SLC66A2: variants seen among roughly 807,000 people sequenced by gnomAD.
SLC66A2 encodes PQ loop repeat containing 1.
SLC66A2 carries 23 observed loss-of-function variants against 25.5 expected under a neutral mutation model. The ratio of observed to expected loss-of-function variants is 0.90; its 90% CI spans 0.65 to 1.28. The LOEUF (loss-of-function observed/expected upper bound fraction) is 1.28. Ranked by LOEUF, SLC66A2 falls within the 50% of genes most tolerant of loss-of-function variation. The pLI is 0.00. For synonymous variants in SLC66A2, 193 were observed against 166.5 expected (o/e 1.16, Z -1.23); for missense variants, 396 against 373.1 (o/e 1.06, Z -0.51).
At chr18:79,942,251 G>A (rs970110211) in intron 3 of SLC66A2, among the ~76,000 whole-genome samples, 6 of 152,222 alleles carry the variant, frequency 3.9e-5, no homozygotes, top group African/African-American at 1.4e-4. Flanking sequence ...GAGGAGAGGA[G>A]AATGGCGTGA....
At position 79,903,748 on chromosome 18, in the gene SLC66A2, C is replaced by T; in HGVS notation, c.*228G>A. ...TATGTCATCCTAAAAACATCCAAAACCCTCGGGGCCAGATCAACCCTGGCT... is the reference window on the plus strand; with the variant it reads ...TATGTCATCCTAAAAACATCCAAAATCCTCGGGGCCAGATCAACCCTGGCT... On this transcript the variant is annotated 3_prime_UTR_variant, in exon 6 of 6. Coordinates refer to ENST00000397778, the MANE Select transcript of SLC66A2 (RefSeq NM_025078.5). 1 of 526,068 alleles carries T rather than the reference C, an allele frequency of 1.9e-6. No individual in the cohort carries two copies. Among genetic ancestry groups the T allele is most frequent in the Non-Finnish European group, 3.3e-6 (1 of 302,890 alleles). The allele number at this position is 526,068 out of a possible 1,614,324, so 32.6% of individuals were successfully genotyped here. A position where few individuals can be genotyped will look rare whatever the true frequency, so the allele number is the denominator to read the frequency against.
chr18:79,946,889 C>T (rs1022551881), intron 2 of SLC66A2, among the ~76,000 whole-genome samples: 1 of 152,002 alleles, frequency 6.6e-6, no homozygotes, highest in African/African-American at 2.4e-5. Context: ...TGCTTGAACC[C>T]GGGAGGCGGT....
At chr18:79,935,086 C>T (rs549490020) in intron 3 of SLC66A2, among the ~76,000 whole-genome samples, 1 of 149,666 alleles carries the variant, frequency 6.7e-6, no homozygotes, top group South Asian at 2.1e-4. Context: ...ATTTAGACAA[C>T]ATCCCTCTCC....
chr18:79,938,881 T>C (rs1231318516), intron 3 of SLC66A2, among the ~76,000 whole-genome samples: 2 of 152,176 alleles, frequency 1.3e-5, no homozygotes, highest in African/African-American at 4.8e-5. Context: ...TTTCACCATG[T>C]TGGCCAGGAT....
intron 4 of SLC66A2, among the ~76,000 whole-genome samples, chr18:79,930,981 A>G (rs1236976672): frequency 6.6e-6 from 1 of 152,234 alleles, no homozygotes; most frequent in Non-Finnish European, 1.5e-5. Context: ...GGTTCCTGTC[A>G]CTGGAATTAA....
At chr18:79,922,447 C>T (rs1985360411) in intron 4 of SLC66A2, among the ~76,000 whole-genome samples, 1 of 152,092 alleles carries the variant, frequency 6.6e-6, no homozygotes, top group Admixed American at 6.5e-5. Flanking sequence ...CAGGAAGAGA[C>T]AGAGACCACT....
chr18:79,925,439 A>C (rs1163950219), intron 4 of SLC66A2, among the ~76,000 whole-genome samples: 6 of 152,246 alleles, frequency 3.9e-5, no homozygotes, highest in Non-Finnish European at 8.8e-5. Context: ...AGCGGCACCA[A>C]AGATAAGGCT....
At chr18:79,913,009 A>C (rs1408252741) in intron 5 of SLC66A2, among the ~76,000 whole-genome samples, 1 of 152,178 alleles carries the variant, frequency 6.6e-6, no homozygotes, top group Non-Finnish European at 1.5e-5. Context: ...GGACCCACAC[A>C]GCCTGCTCTA....
At chr18:79,936,342 T>C (rs1249292405) in intron 3 of SLC66A2, among the ~76,000 whole-genome samples, 2 of 152,360 alleles carry the variant, frequency 1.3e-5, no homozygotes, top group South Asian at 2.1e-4. Flanking sequence ...TGAAAATGCA[T>C]GCAAGATGGC....
intron 5 of SLC66A2, among the ~76,000 whole-genome samples, chr18:79,911,707 T>C (rs879050211): frequency 1.3e-5 from 2 of 151,854 alleles, no homozygotes; most frequent in South Asian, 4.2e-4. Context: ...CCCACCCCCC[T>C]AGCTACATCA....
chr18:79,942,707 T>C (rs1987782833), intron 3 of SLC66A2, among the ~76,000 whole-genome samples: 2 of 152,256 alleles, frequency 1.3e-5, no homozygotes, highest in Non-Finnish European at 2.9e-5. Context: ...GAGTTCAGAC[T>C]GGAACAAACT....
chr18:79,921,743 T>G (rs1163921392), intron 4 of SLC66A2, among the ~76,000 whole-genome samples: 3 of 44,592 alleles, frequency 6.7e-5, no homozygotes, highest in African/African-American at 2.7e-4. Flanking sequence ...GAGGGAGAGG[T>G]CAGGGTCAGA....
Position 79,927,740 on chromosome 18 carries a change from C to T in SLC66A2, c.391+6229G>A, listed in dbSNP as rs564489427. Among the ~76,000 whole-genome samples the T allele has an allele frequency of 1.3e-5, 2 of 152,272 alleles. No homozygotes were observed. The highest frequency in any genetic ancestry group is 1.9e-4 in the East Asian group (1 of 5,162). ...GCCAGAGTGGGAGGGCCAGCCGTGC[C>T]GGCTTCCAAAGAGGACCCCGGGAAA... On this transcript the variant is annotated intron_variant, in intron 4 of 5. Coordinates refer to ENST00000397778, the MANE Select transcript of SLC66A2 (RefSeq NM_025078.5). The surrounding 1 kb of genome is among the most constrained non-coding windows in gnomAD (Gnocchi z 6.2).
At chr18:79,938,608 T>C (rs1987347778) in intron 3 of SLC66A2, among the ~76,000 whole-genome samples, 2 of 152,200 alleles carry the variant, frequency 1.3e-5, no homozygotes, top group Admixed American at 1.3e-4. Flanking sequence ...AGGAAGAGAC[T>C]TGGAAAGCAT....
In SLC66A2 at chr18:79,938,255, T is replaced by C. The variant is rs75364608; in HGVS notation, c.338-4233A>G. ...ACTTTATGCCACCCTACCTACTTGG[T>C]AAACGCTTGAAATTCTCCATAATGC... is the stretch of plus-strand genomic sequence containing the variant. On this transcript the variant is annotated intron_variant, in intron 3 of 5. Coordinates refer to ENST00000397778, the MANE Select transcript of SLC66A2 (RefSeq NM_025078.5). 9.9e-3 allele frequency among the ~76,000 whole-genome samples: 1,507 copies of C among 152,118 alleles called. 97 individuals carry two copies. In the East Asian group the frequency reaches 0.16, roughly 16 times the overall value.
chr18:79,942,118 T>C (rs1292766904), intron 3 of SLC66A2, among the ~76,000 whole-genome samples: 1 of 152,232 alleles, frequency 6.6e-6, no homozygotes, highest in African/African-American at 2.4e-5. Context: ...CAGCTCCTCA[T>C]GCGGGGAATC....
rs149523150 is a variant in SLC66A2 at position 79,919,339 on chromosome 18, C to T, written c.453G>A (p.Leu151=). The T allele has an allele frequency of 2.2e-5, 35 of 1,613,212 alleles. No homozygotes were observed. The African/African-American group carries it at 4.4e-4, about 20-fold the overall frequency. Residue 151 remains leucine (L), a synonymous_variant, in exon 5 of 6, where the codon CTG becomes CTA. Coordinates refer to ENST00000397778, the MANE Select transcript of SLC66A2 (RefSeq NM_025078.5). The part of the protein sequence containing the change: ...SSFSDYVQCV[L]AFTGVAGYIT... The stretch of plus-strand genomic sequence containing the variant: ...TGTAGCCCGCCACGCCCGTGAAGGC[C>T]AGGACGCACTGCACGTAGTCCGAGA...
intron 2 of SLC66A2, chr18:79,949,908 T>G (rs1397169705): frequency 2.0e-5 from 3 of 152,234 alleles, no homozygotes; most frequent in Non-Finnish European, 4.4e-5. Flanking sequence ...GAGACCTCAT[T>G]TCCTCTGAAA....
At chr18:79,907,724 G>C (rs1982343293) in intron 5 of SLC66A2, among the ~76,000 whole-genome samples, 2 of 151,898 alleles carry the variant, frequency 1.3e-5, no homozygotes, top group Admixed American at 1.3e-4. Context: ...TCACACCCCT[G>C]CCCAAGGAAA....
Sources: allele counts gnomAD v4.1 joint callset (sites outside exome capture counted in the v4.1 genomes callset), GRCh38; gene constraint gnomAD v4.1.1; non-coding constraint Gnocchi (gnomAD v3.1); transcripts MANE v1.5; gene names NCBI Gene and HGNC (gene_info 2026-07-23, HGNC 2026-07-21).